Variants in SEL1L2 observed in about 807,000 individuals in gnomAD.
SEL1L2 encodes the protein SEL1L2 adaptor subunit of SYVN1 ubiquitin ligase.
Under a neutral mutation model 98.8 loss-of-function variants are expected in SEL1L2, and 89 were observed. The observed-to-expected ratio is 0.90, with a 90% CI of 0.76 to 1.07. The LOEUF (loss-of-function observed/expected upper bound fraction) is 1.07. Ranked by LOEUF, SEL1L2 falls within the 50% of genes least tolerant of loss-of-function variation. The pLI is 0.00. For missense variants in SEL1L2, 788 were observed against 812.0 expected, an observed-to-expected ratio of 0.97 and a Z score of 0.36; for synonymous variants, 262 against 278.5, an observed-to-expected ratio of 0.94 and a Z score of 0.59.
intron 2 of SEL1L2, among the ~76,000 whole-genome samples, chr20:13,932,217 CT>C (rs2049175840): frequency 6.6e-6 from 1 of 151,884 alleles, no homozygotes; most frequent in South Asian, 2.1e-4. Flanking sequence ...CCCAAAAGTC[CT>C]TTTCAGAAGT....
intron 2 of SEL1L2, among the ~76,000 whole-genome samples, chr20:13,948,676 T>C (rs1170066659): frequency 2.0e-5 from 3 of 152,232 alleles, no homozygotes; most frequent in Non-Finnish European, 4.4e-5. Flanking sequence ...GAGAAAATTT[T>C]CATGACATTG....
At chr20:13,974,816 T>G (rs1395227042) in intron 1 of SEL1L2, among the ~76,000 whole-genome samples, 1 of 152,184 alleles carries the variant, frequency 6.6e-6, no homozygotes, top group Non-Finnish European at 1.5e-5. Flanking sequence ...CCTAGAAGTA[T>G]TCTCTTTTGC....
chr20:13,852,313 T>G (rs78616716), intron 18 of SEL1L2, among the ~76,000 whole-genome samples: 1 of 152,148 alleles, frequency 6.6e-6, no homozygotes. Flanking sequence ...TCACTCCTTG[T>G]CCAGGAGACC....
intron 5 of SEL1L2, 188 bp downstream of exon 5, chr20:13,913,594 C>A: frequency 2.4e-6 from 1 of 421,918 alleles, no homozygotes. Context: ...TAAAATTTAG[C>A]TGTTGGGGGT....
intron 10 of SEL1L2, among the ~76,000 whole-genome samples, chr20:13,882,059 T>C (rs6079203): frequency 0.028 from 4,259 of 152,252 alleles, 92 homozygotes; most frequent in Middle Eastern, 0.061. Context: ...TATTATGTAA[T>C]GATCAAAACA....
chr20:13,965,678 G>C (rs537304952), intron 1 of SEL1L2, among the ~76,000 whole-genome samples: 66 of 152,186 alleles, frequency 4.3e-4, no homozygotes, highest in African/African-American at 1.6e-3. Context: ...TCTTTGGTCG[G>C]GCACAGTGGC....
intron 5 of SEL1L2, among the ~76,000 whole-genome samples, chr20:13,897,902 A>G (rs186869593): frequency 9.9e-5 from 15 of 151,914 alleles, no homozygotes; most frequent in Non-Finnish European, 1.5e-4. Flanking sequence ...AAACCCCACA[A>G]TAAGATATTA....
chr20:13,866,656 G>A (rs750721156), intron 15 of SEL1L2, 46 bp downstream of exon 15: 6 of 1,446,060 alleles, frequency 4.1e-6, no homozygotes, highest in Non-Finnish European at 5.5e-6. Flanking sequence ...CCTCCTCTGT[G>A]TCATATATGA....
intron 2 of SEL1L2, 104 bp downstream of exon 2, chr20:13,955,969 TAAA>T: frequency 1.7e-6 from 1 of 589,806 alleles, no homozygotes. Context: ...GATTGAGAAT[TAAA>T]AAAAAAAGAG....
intron 5 of SEL1L2, among the ~76,000 whole-genome samples, chr20:13,903,228 T>C (rs542344969): frequency 6.6e-6 from 1 of 152,210 alleles, no homozygotes; most frequent in South Asian, 2.1e-4. Context: ...TCTAGATAAA[T>C]TGCTACTATT....
At chr20:13,927,612 A>T (rs1309844156) in intron 3 of SEL1L2, among the ~76,000 whole-genome samples, 1 of 152,250 alleles carries the variant, frequency 6.6e-6, no homozygotes, top group South Asian at 2.1e-4. Context: ...AGAATTAGAA[A>T]TAATTTTTCA....
At position 13,887,639 on chromosome 20, in the gene SEL1L2, G is replaced by A. The variant is rs1335245278; in HGVS notation, c.745+130C>T. On this transcript the variant is annotated intron_variant, in intron 8 of 19. Transcript: ENST00000284951. The stretch of plus-strand genomic sequence containing the variant: ...GAAACTGTATTATGTTAAAAGAATT[G>A]TATTATAACATATTAAAAACGTACA... 3 of 639,652 alleles carry A rather than the reference G, an allele frequency of 4.7e-6. No homozygotes were observed. In the African/African-American group the frequency reaches 5.5e-5, roughly 12 times the overall value. 39.6% of individuals were successfully genotyped at this position (639,652 alleles called of 1,614,324 possible).
At chr20:13,916,122 C>T (rs1341998637) in intron 4 of SEL1L2, among the ~76,000 whole-genome samples, 1 of 152,154 alleles carries the variant, frequency 6.6e-6, no homozygotes, top group Non-Finnish European at 1.5e-5. Flanking sequence ...CTGACTTGTT[C>T]AGTGATTTTT....
intron 3 of SEL1L2, among the ~76,000 whole-genome samples, chr20:13,922,406 A>G (rs60010538): frequency 1.3e-5 from 2 of 152,250 alleles, no homozygotes; most frequent in East Asian, 3.9e-4. Context: ...TCTTTCTTGG[A>G]TGAAATGTTA....
chr20:13,914,291 C>T (rs1187681644), intron 4 of SEL1L2, among the ~76,000 whole-genome samples: 2 of 152,088 alleles, frequency 1.3e-5, no homozygotes, highest in Non-Finnish European at 2.9e-5. Context: ...TTCTAAAATA[C>T]TGAACTCTCC....
chr20:13,917,683 C>T (rs1299170068), intron 4 of SEL1L2, among the ~76,000 whole-genome samples: 1 of 151,880 alleles, frequency 6.6e-6, no homozygotes, highest in African/African-American at 2.4e-5. Context: ...GCTACCACAG[C>T]TCTGGGATGC....
chr20:13,925,435 T>G (rs2048848029), intron 3 of SEL1L2, among the ~76,000 whole-genome samples: 1 of 152,164 alleles, frequency 6.6e-6, no homozygotes, highest in Non-Finnish European at 1.5e-5. Flanking sequence ...AGGGAGAGGT[T>G]TTTCCCTGTG....
intron 18 of SEL1L2, among the ~76,000 whole-genome samples, chr20:13,857,817 CTACA>C (rs1989404992): frequency 1.3e-5 from 2 of 152,180 alleles, no homozygotes; most frequent in East Asian, 1.9e-4. Context: ...AGCAGTCATT[CTACA>C]TACTGTTTGA....
At chr20:13,984,760 CT>C (rs1331395253) in intron 1 of SEL1L2, among the ~76,000 whole-genome samples, 1 of 147,738 alleles carries the variant, frequency 6.8e-6, no homozygotes, top group African/African-American at 2.5e-5. Flanking sequence ...TAAATATTTG[CT>C]TTTTTTGCTA....
Sources: gnomAD v4.1 joint callset for allele counts (sites outside exome capture counted in the v4.1 genomes callset) on GRCh38, gnomAD v4.1.1 for gene constraint, MANE v1.5 for transcripts, NCBI Gene and HGNC (gene_info 2026-07-23, HGNC 2026-07-21) for gene names.